TNFRSF8: variants seen among roughly 807,000 people sequenced by gnomAD.
The protein encoded by TNFRSF8 is TNF receptor superfamily member 8, also known as tumor necrosis factor receptor superfamily member 8.
Under a neutral mutation model 70.8 loss-of-function variants are expected in TNFRSF8, and 26 were observed. That is an observed-to-expected ratio of 0.37 (90% CI 0.27 to 0.51). The LOEUF is 0.51. TNFRSF8 is among the 20% of genes least tolerant of loss of function. The pLI is 0.94. For synonymous variants in TNFRSF8, 356 were observed against 339.2 expected, an observed-to-expected ratio of 1.05 and a Z score of -0.54; for missense variants, 720 against 807.9, an observed-to-expected ratio of 0.89 and a Z score of 1.32.
chr1:12,129,673 C>T (rs1469244109), intron 12 of TNFRSF8, among the ~76,000 whole-genome samples: 1 of 152,152 alleles, frequency 6.6e-6, no homozygotes, highest in Non-Finnish European at 1.5e-5. Flanking sequence ...GCATCTTGGG[C>T]TGGAAGGTCC....
At chr1:12,083,551 G>C (rs1641101480) in intron 1 of TNFRSF8, among the ~76,000 whole-genome samples, 1 of 152,160 alleles carries the variant, frequency 6.6e-6, no homozygotes, top group Admixed American at 6.6e-5. Context: ...GCTGGGCATG[G>C]TGGCACACAC....
intron 12 of TNFRSF8, among the ~76,000 whole-genome samples, chr1:12,132,837 CAAAAAAAAAAAAA>C (rs55643235): frequency 0.032 from 2,401 of 74,512 alleles, 86 homozygotes; most frequent in African/African-American, 0.11. Flanking sequence ...GACTCCATCT[CAAAAAAAAAAAAA>C]AAAAAAAAAA....
chr1:12,109,897 C>T lies in TNFRSF8; in HGVS notation c.513-144C>T. The T allele has an allele frequency of 9.3e-7, 1 of 1,077,964 alleles. No individual in the cohort carries two copies. Among genetic ancestry groups the T allele is most frequent in the Non-Finnish European group, 1.3e-6 (1 of 745,384 alleles). The allele number at this position is 1,077,964 out of a possible 1,614,324, so 66.8% of individuals were successfully genotyped here. A position where few individuals can be genotyped will look rare whatever the true frequency, so the allele number is the denominator to read the frequency against. On this transcript the variant is annotated intron_variant, in intron 5 of 14. Coordinates refer to ENST00000263932, the MANE Select transcript of TNFRSF8 (RefSeq NM_001243.5). This position sits in a 1 kb window ranked among gnomAD's most constrained non-coding sequence, Gnocchi z 4.4. The stretch of plus-strand genomic sequence containing the variant: ...CAGGGCTTAGAAAACACAGGCCTTG[C>T]TCCCAGGAGCTTACAGTGGGCCCGC...
At chr1:12,077,538 A>C (rs1640987454) in intron 1 of TNFRSF8, among the ~76,000 whole-genome samples, 1 of 152,202 alleles carries the variant, frequency 6.6e-6, no homozygotes, top group Non-Finnish European at 1.5e-5. Context: ...TACAACCACA[A>C]GGAACTGAAT....
chr1:12,127,920 T>C (rs1641971037), intron 12 of TNFRSF8, among the ~76,000 whole-genome samples: 1 of 152,216 alleles, frequency 6.6e-6, no homozygotes, highest in South Asian at 2.1e-4. Flanking sequence ...TGAGACTCAA[T>C]GGTGGACATC....
chr1:12,137,197 T>C (rs905364355), intron 13 of TNFRSF8, among the ~76,000 whole-genome samples: 23 of 152,214 alleles, frequency 1.5e-4, no homozygotes, highest in African/African-American at 5.3e-4. Context: ...TCTCAGCGCC[T>C]TTTAAAAGTT....
At chr1:12,115,846 A>G (rs1251112616) in intron 8 of TNFRSF8, 117 bp downstream of exon 8, 9 of 1,152,284 alleles carry the variant, frequency 7.8e-6, no homozygotes, top group Non-Finnish European at 1.1e-5. Flanking sequence ...TCGGCTGTTC[A>G]TTAGGTCAGG....
At chr1:12,092,147 C>T (rs888956891) in intron 2 of TNFRSF8, among the ~76,000 whole-genome samples, 1 of 152,144 alleles carries the variant, frequency 6.6e-6, no homozygotes, top group Non-Finnish European at 1.5e-5. Flanking sequence ...GTCCAAATTT[C>T]CCCTTTTCTT....
intron 2 of TNFRSF8, among the ~76,000 whole-genome samples, chr1:12,087,165 CTTT>C (rs71230982): frequency 6.0e-5 from 5 of 83,946 alleles, no homozygotes; most frequent in East Asian, 2.9e-4. Flanking sequence ...CTCTCTCTCT[CTTT>C]TTTTTTTTTT....
At chr1:12,103,234 T>A (rs1641454828) in intron 3 of TNFRSF8, among the ~76,000 whole-genome samples, 1 of 151,836 alleles carries the variant, frequency 6.6e-6, no homozygotes, top group African/African-American at 2.4e-5. Context: ...CGTGGTGGTG[T>A]GTGCCTGTAA....
At chr1:12,074,741 A>G (rs894076249) in intron 1 of TNFRSF8, among the ~76,000 whole-genome samples, 3 of 152,222 alleles carry the variant, frequency 2.0e-5, no homozygotes, top group Non-Finnish European at 4.4e-5. Flanking sequence ...CCCGTGATCT[A>G]AAATGGAAAC....
intron 1 of TNFRSF8, among the ~76,000 whole-genome samples, chr1:12,071,838 C>T (rs964598376): frequency 6.6e-6 from 1 of 152,036 alleles, no homozygotes; most frequent in Non-Finnish European, 1.5e-5. Flanking sequence ...GCTGGGATTA[C>T]AAGCACGTGC....
rs2101055118 is a variant in TNFRSF8 at position 12,142,602 on chromosome 1, C to T, written c.*71C>T. Reference sequence around the variant, plus strand: ...GGAGGCCAGGATGGCACTGTTGGCACCGAGGTTGGGGGCAGAGGCCCATCT... The same window carrying T: ...GGAGGCCAGGATGGCACTGTTGGCATCGAGGTTGGGGGCAGAGGCCCATCT... On this transcript the variant is annotated 3_prime_UTR_variant, in exon 15 of 15. Transcript: ENST00000263932. This position sits in a 1 kb window ranked among gnomAD's most constrained non-coding sequence, Gnocchi z 5.0. 4.0e-6 allele frequency: 6 copies of T among 1,514,832 alleles called. No individual in the cohort carries two copies. In the Admixed American group the frequency reaches 1.2e-4, roughly 31 times the overall value. 93.8% of individuals were successfully genotyped at this position (1,514,832 alleles called of 1,614,324 possible).
At chr1:12,064,746 A>G (rs190678269) in intron 1 of TNFRSF8, among the ~76,000 whole-genome samples, 44 of 152,304 alleles carry the variant, frequency 2.9e-4, no homozygotes, top group Non-Finnish European at 8.8e-5. Flanking sequence ...TCCATTTCCA[A>G]TGGGCAATGT....
intron 2 of TNFRSF8, among the ~76,000 whole-genome samples, chr1:12,094,613 GTT>G (rs1042247656): frequency 5.0e-5 from 6 of 119,618 alleles, no homozygotes; most frequent in Non-Finnish European, 3.6e-5. Context: ...CATGAAGCTA[GTT>G]TTTTTTTTTT....
chr1:12,142,633 G>A lies in TNFRSF8; in HGVS notation c.*102G>A, dbSNP rs1642277246. The A allele has an allele frequency of 7.0e-7, 1 of 1,426,198 alleles. No homozygotes were observed. The highest frequency in any genetic ancestry group is 1.4e-5 in the South Asian group (1 of 71,764). 88.3% of individuals were successfully genotyped at this position (1,426,198 alleles called of 1,614,324 possible). A position where few individuals can be genotyped will look rare whatever the true frequency, so the allele number is the denominator to read the frequency against. On this transcript the variant is annotated 3_prime_UTR_variant, in exon 15 of 15. Coordinates refer to ENST00000263932, the MANE Select transcript of TNFRSF8 (RefSeq NM_001243.5). The surrounding 1 kb of genome is among the most constrained non-coding windows in gnomAD (Gnocchi z 5.0). ...TTGGGGGCAGAGGCCCATCTGGCCT[G>A]AACTGAGGCTCCAGCATCTAGTGGT...
chr1:12,102,202 C>T (rs933610039), intron 3 of TNFRSF8, among the ~76,000 whole-genome samples: 7 of 152,112 alleles, frequency 4.6e-5, no homozygotes, highest in South Asian at 2.1e-4. Flanking sequence ...CTCATGATGC[C>T]GGTGGTCTGC....
intron 12 of TNFRSF8, among the ~76,000 whole-genome samples, chr1:12,132,451 G>C (rs1161669799): frequency 6.6e-6 from 1 of 152,228 alleles, no homozygotes; most frequent in Non-Finnish European, 1.5e-5. Flanking sequence ...CGGGACGCCT[G>C]TCTCCTGGGA....
At chr1:12,133,689 G>A (rs1256501796) in intron 12 of TNFRSF8, among the ~76,000 whole-genome samples, 15 of 146,958 alleles carry the variant, frequency 1.0e-4, no homozygotes, top group African/African-American at 3.8e-4. Context: ...GCAGTGAGCC[G>A]AGATCGCGCT....
Sources: allele counts gnomAD v4.1 joint callset (sites outside exome capture counted in the v4.1 genomes callset), GRCh38; gene constraint gnomAD v4.1.1; non-coding constraint Gnocchi (gnomAD v3.1); transcripts MANE v1.5; gene names NCBI Gene and HGNC (gene_info 2026-07-23, HGNC 2026-07-21).